SGCZ: variants seen among roughly 807,000 people sequenced by gnomAD.
SGCZ encodes the protein zeta-sarcoglycan.
SGCZ carries 40 observed loss-of-function variants against 41.3 expected under a neutral mutation model. The ratio of observed to expected loss-of-function variants is 0.97; its 90% CI spans 0.75 to 1.26. SGCZ has a LOEUF of 1.26. SGCZ is among the 50% of genes most tolerant of loss of function. The probability of loss-of-function intolerance (pLI) is 0.00; values close to 1 mark genes in which losing one functional copy is unlikely to be tolerated. For synonymous variants in SGCZ, 206 were observed against 137.5 expected (o/e 1.50, Z -3.49); for missense variants, 552 against 369.8 (o/e 1.49, Z -4.04).
chr8:15,087,443 C>A (rs1168938244), intron 1 of SGCZ, among the ~76,000 whole-genome samples: 2 of 151,988 alleles, frequency 1.3e-5, no homozygotes, highest in Non-Finnish European at 2.9e-5. Context: ...AACAACATCT[C>A]GAACGCTGAT....
At chr8:14,241,197 TTG>T (rs1441406553) in intron 3 of SGCZ, among the ~76,000 whole-genome samples, 2 of 152,010 alleles carry the variant, frequency 1.3e-5, no homozygotes, top group African/African-American at 4.8e-5. Flanking sequence ...TATATTATAC[TTG>T]TGTGTTCCAA....
At chr8:14,249,761 G>C (rs1799224414) in intron 3 of SGCZ, among the ~76,000 whole-genome samples, 3 of 152,066 alleles carry the variant, frequency 2.0e-5, no homozygotes, top group Admixed American at 2.0e-4. Flanking sequence ...ATATTCCTGA[G>C]ATTACTTTTT....
chr8:14,098,788 G>GTAAGTAAGGAT (rs1801923361), intron 7 of SGCZ, among the ~76,000 whole-genome samples: 1 of 152,146 alleles, frequency 6.6e-6, no homozygotes, highest in South Asian at 2.1e-4. Flanking sequence ...GACTGTAAGA[G>GTAAGTAAGGAT]TAAGTAAGGA....
chr8:14,916,847 C>T (rs1799453548), intron 1 of SGCZ, among the ~76,000 whole-genome samples: 1 of 151,892 alleles, frequency 6.6e-6, no homozygotes, highest in Non-Finnish European at 1.5e-5. Flanking sequence ...AAAATAGACG[C>T]ATAGTTATTT....
intron 1 of SGCZ, among the ~76,000 whole-genome samples, chr8:15,016,554 C>T (rs949710347): frequency 1.3e-5 from 2 of 152,186 alleles, no homozygotes; most frequent in Non-Finnish European, 1.5e-5. Context: ...GCACTGTTAT[C>T]GCAGACGCTC....
intron 1 of SGCZ, among the ~76,000 whole-genome samples, chr8:14,892,635 A>G (rs1805057117): frequency 1.3e-5 from 2 of 152,210 alleles, no homozygotes; most frequent in South Asian, 4.1e-4. Context: ...AACAATAAAT[A>G]TGCAAGAAAA....
At chr8:14,244,998 G>A (rs1339588604) in intron 3 of SGCZ, among the ~76,000 whole-genome samples, 9 of 152,116 alleles carry the variant, frequency 5.9e-5, no homozygotes, top group Non-Finnish European at 1.2e-4. Flanking sequence ...TTTGGGCTGA[G>A]ACAATGGGGT....
At chr8:14,186,860 C>A (rs1804921178) in intron 4 of SGCZ, among the ~76,000 whole-genome samples, 1 of 152,126 alleles carries the variant, frequency 6.6e-6, no homozygotes, top group South Asian at 2.1e-4. Flanking sequence ...GTGAGAGAGC[C>A]AGGCAAAGAG....
chr8:15,138,177 C>T (rs932521468), intron 1 of SGCZ, among the ~76,000 whole-genome samples: 10 of 152,110 alleles, frequency 6.6e-5, no homozygotes, highest in Non-Finnish European at 1.3e-4. Flanking sequence ...GCCTGTAGCC[C>T]CTTGTTTTGG....
At chr8:14,156,378 A>G (rs1803876488) in intron 5 of SGCZ, among the ~76,000 whole-genome samples, 1 of 151,990 alleles carries the variant, frequency 6.6e-6, no homozygotes, top group Non-Finnish European at 1.5e-5. Context: ...GGAGAATGGC[A>G]TGAACCCAGG....
intron 1 of SGCZ, among the ~76,000 whole-genome samples, chr8:14,894,363 T>C (rs1805120233): frequency 1.3e-5 from 2 of 152,214 alleles, no homozygotes; most frequent in East Asian, 1.9e-4. Flanking sequence ...AGAAAATTTA[T>C]TTCCACTGGG....
chr8:14,608,473 G>A (rs1805824289), intron 1 of SGCZ, among the ~76,000 whole-genome samples: 1 of 152,000 alleles, frequency 6.6e-6, no homozygotes, highest in Non-Finnish European at 1.5e-5. Context: ...GTGTCATATG[G>A]CAAGAGAGAG....
At chr8:15,015,731 GTGT>G (rs1803006073) in intron 1 of SGCZ, among the ~76,000 whole-genome samples, 2 of 66,864 alleles carry the variant, frequency 3.0e-5, no homozygotes, top group East Asian at 4.5e-4. Flanking sequence ...ATACACGTGT[GTGT>G]GTGTGTGTGT....
intron 1 of SGCZ, among the ~76,000 whole-genome samples, chr8:15,011,099 T>C (rs559284172): frequency 9.2e-5 from 14 of 152,350 alleles, no homozygotes; most frequent in African/African-American, 3.1e-4. Context: ...TCTTCTTGTT[T>C]GCTTTTAATT....
chr8:14,503,704 G>C (rs1014219093), intron 2 of SGCZ, among the ~76,000 whole-genome samples: 3 of 151,734 alleles, frequency 2.0e-5, no homozygotes, highest in Admixed American at 6.6e-5. Flanking sequence ...GGAGGTGGAG[G>C]TTGCAGTGAG....
chr8:14,299,251 A>C (rs182807641), intron 3 of SGCZ, among the ~76,000 whole-genome samples: 2 of 152,100 alleles, frequency 1.3e-5, no homozygotes, highest in East Asian at 3.9e-4. Context: ...AATATTTACA[A>C]ATTTCAGGTA....
At chr8:14,148,292 A>G (rs558409349) in intron 5 of SGCZ, among the ~76,000 whole-genome samples, 1 of 152,160 alleles carries the variant, frequency 6.6e-6, no homozygotes, top group East Asian at 1.9e-4. Flanking sequence ...AAAGAAATTG[A>G]CAAACCTTTA....
intron 4 of SGCZ, among the ~76,000 whole-genome samples, chr8:14,173,631 C>G (rs1263425387): frequency 6.6e-6 from 1 of 151,846 alleles, no homozygotes; most frequent in Non-Finnish European, 1.5e-5. Flanking sequence ...GCCTGTGAAA[C>G]AAGTAAAAGA....
At chr8:14,868,254 A>G (rs1245678029) in intron 1 of SGCZ, among the ~76,000 whole-genome samples, 1 of 152,074 alleles carries the variant, frequency 6.6e-6, no homozygotes, top group African/African-American at 2.4e-5. Flanking sequence ...CAACTCGGTG[A>G]CCTCCCTCCT....
Sources: allele counts gnomAD v4.1 joint callset (sites outside exome capture counted in the v4.1 genomes callset), GRCh38; gene constraint gnomAD v4.1.1; transcripts MANE v1.5; gene names NCBI Gene and HGNC (gene_info 2026-07-23, HGNC 2026-07-21).